The following STK17A variants were observed in gnomAD, a reference collection of about 807,000 sequenced individuals.
The protein encoded by STK17A is serine/threonine-protein kinase 17A.
A neutral mutation model predicts 43.7 loss-of-function variants in STK17A; 26 were observed. The observed-to-expected ratio is 0.60, with a 90% CI of 0.44 to 0.83. The LOEUF (loss-of-function observed/expected upper bound fraction) is 0.83. Among genes scored for constraint, STK17A ranks in the 40% least tolerant of loss-of-function variants. STK17A has a pLI of 0.00. For missense variants in STK17A, 476 were observed against 511.6 expected (o/e 0.93, Z 0.67); for synonymous variants, 191 against 182.5 (o/e 1.05, Z -0.38).
In STK17A at chr7:43,623,741, CAGGAA is replaced by C; in HGVS notation, c.774_778del (p.Gly259IlefsTer7). The C allele has an allele frequency of 8.1e-6, 13 of 1,606,144 alleles. No homozygotes were observed. Among genetic ancestry groups the C allele is most frequent in the Non-Finnish European group, 1.1e-5 (13 of 1,177,254 alleles). ...GGAGTGTTAACATATGTCATGCTTACAGGAATATCACCTTTCTTAGGCAATGATAA... is the reference window on the plus strand; with the variant it reads ...GGAGTGTTAACATATGTCATGCTTACTATCACCTTTCTTAGGCAATGATAA... On this transcript the variant is annotated frameshift_variant, in exon 6 of 7. Transcript: ENST00000319357. LOFTEE classifies it high-confidence loss of function.
At chr7:43,584,850 T>C (rs899199226) in intron 1 of STK17A, among the ~76,000 whole-genome samples, 3 of 152,232 alleles carry the variant, frequency 2.0e-5, no homozygotes, top group Non-Finnish European at 2.9e-5. Context: ...CTTAGCTGTG[T>C]ATTCTAATTT....
chr7:43,613,697 A>G (rs1414939564), intron 3 of STK17A, among the ~76,000 whole-genome samples: 1 of 152,092 alleles, frequency 6.6e-6, no homozygotes, highest in African/African-American at 2.4e-5. Flanking sequence ...TAAAAAAATC[A>G]GCCAGCCATG....
intron 1 of STK17A, among the ~76,000 whole-genome samples, chr7:43,587,156 T>TG (rs1265876827): frequency 1.4e-5 from 2 of 139,656 alleles, no homozygotes; most frequent in Admixed American, 7.1e-5. Flanking sequence ...TGTTTTTTGT[T>TG]TTTTTTTTTT....
intron 2 of STK17A, among the ~76,000 whole-genome samples, chr7:43,598,946 G>A (rs2082539127): frequency 6.6e-6 from 1 of 151,960 alleles, no homozygotes; most frequent in Admixed American, 6.6e-5. Flanking sequence ...TGTAATTTTA[G>A]TAGAGACAGG....
At chr7:43,587,250 G>A (rs1380092117) in intron 1 of STK17A, among the ~76,000 whole-genome samples, 1 of 149,426 alleles carries the variant, frequency 6.7e-6, no homozygotes, top group East Asian at 1.9e-4. Flanking sequence ...CGCCTCCTGG[G>A]TTCACGCCAT....
intron 2 of STK17A, among the ~76,000 whole-genome samples, chr7:43,604,935 C>T (rs562584831): frequency 3.2e-4 from 49 of 152,212 alleles, no homozygotes; most frequent in African/African-American, 1.0e-3. Flanking sequence ...TCTTAAAATT[C>T]ACTGATTCTT....
At chr7:43,595,870 T>A in intron 1 of STK17A, 31 bp from the exon 2 acceptor site, 2 of 1,604,858 alleles carry the variant, frequency 1.2e-6, no homozygotes, top group Non-Finnish European at 1.7e-6. Flanking sequence ...AGTTGTCAAC[T>A]TTAACAGTGA....
At chr7:43,601,124 T>C (rs2082551784) in intron 2 of STK17A, among the ~76,000 whole-genome samples, 1 of 152,104 alleles carries the variant, frequency 6.6e-6, no homozygotes, top group Admixed American at 6.6e-5. Context: ...TAAAAAAGCA[T>C]GTTACAAAAT....
intron 2 of STK17A, among the ~76,000 whole-genome samples, chr7:43,597,866 A>C (rs2082528838): frequency 6.6e-6 from 1 of 152,234 alleles, no homozygotes; most frequent in South Asian, 2.1e-4. Context: ...TCAAGGCTAC[A>C]GTGAGCCGAG....
intron 3 of STK17A, among the ~76,000 whole-genome samples, chr7:43,614,706 C>G (rs192633802): frequency 6.6e-6 from 1 of 152,118 alleles, no homozygotes; most frequent in Non-Finnish European, 1.5e-5. Flanking sequence ...TTCTAGCAAC[C>G]TCTCTCTCAG....
intron 4 of STK17A, 65 bp from the exon 5 acceptor site, chr7:43,623,507 C>A: frequency 7.1e-7 from 1 of 1,403,294 alleles, no homozygotes; most frequent in South Asian, 1.2e-5. Context: ...AGTTTTTTAT[C>A]TCTTAGAGCA....
intron 3 of STK17A, among the ~76,000 whole-genome samples, chr7:43,616,398 T>C (rs2083345703): frequency 6.6e-6 from 1 of 152,322 alleles, no homozygotes; most frequent in Non-Finnish European, 1.5e-5. Context: ...TAGTTATGTT[T>C]CTTCCATTCA....
chr7:43,612,862 T>A (rs1378955544), intron 3 of STK17A, among the ~76,000 whole-genome samples: 1 of 151,430 alleles, frequency 6.6e-6, no homozygotes, highest in Non-Finnish European at 1.5e-5. Flanking sequence ...AAAGTATGAG[T>A]CCATACAGCC....
intron 4 of STK17A, 79 bp downstream of exon 4, chr7:43,619,802 A>C: frequency 6.6e-7 from 1 of 1,507,714 alleles, no homozygotes; most frequent in Non-Finnish European, 9.0e-7. Context: ...GGCATGACTC[A>C]TAGTGGAGCC....
intron 3 of STK17A, among the ~76,000 whole-genome samples, chr7:43,610,703 CTTTG>C (rs756997670): frequency 3.2e-4 from 49 of 152,094 alleles, no homozygotes; most frequent in Admixed American, 3.3e-4. Context: ...TCCGTAATAC[CTTTG>C]TTTATTTATA....
chr7:43,600,494 GAT>G (rs2082547717), intron 2 of STK17A, among the ~76,000 whole-genome samples: 1 of 152,062 alleles, frequency 6.6e-6, no homozygotes, highest in Admixed American at 6.6e-5. Context: ...ATGAACAAGT[GAT>G]ATGAAGAGAA....
At chr7:43,606,110 G>A (rs889996640) in intron 2 of STK17A, among the ~76,000 whole-genome samples, 4 of 151,626 alleles carry the variant, frequency 2.6e-5, no homozygotes, top group Non-Finnish European at 5.9e-5. Context: ...TAATGCATAT[G>A]TATTTGTTAT....
At chr7:43,607,185 G>T (rs981596287) in intron 2 of STK17A, among the ~76,000 whole-genome samples, 20 of 151,530 alleles carry the variant, frequency 1.3e-4, no homozygotes, top group African/African-American at 4.6e-4. Flanking sequence ...AGCCTCCCAA[G>T]GTGCTGGGAT....
intron 3 of STK17A, among the ~76,000 whole-genome samples, chr7:43,618,583 A>AGG (rs2083560770): frequency 6.6e-6 from 1 of 152,246 alleles, no homozygotes; most frequent in African/African-American, 2.4e-5. Flanking sequence ...GAAAACATTA[A>AGG]GTGAGGACCC....
Sources: allele counts gnomAD v4.1 joint callset (sites outside exome capture counted in the v4.1 genomes callset), GRCh38; gene constraint gnomAD v4.1.1; transcripts MANE v1.5; gene names NCBI Gene and HGNC (gene_info 2026-07-23, HGNC 2026-07-21).